Variants in SETD3 observed in about 807,000 individuals in gnomAD.
The protein encoded by SETD3 is actin-histidine N-methyltransferase.
Under a neutral mutation model 63.0 loss-of-function variants are expected in SETD3, and 19 were observed. That is an observed-to-expected ratio of 0.30 (90% CI 0.21 to 0.44). The LOEUF (loss-of-function observed/expected upper bound fraction) is 0.44, where lower values mean the gene tolerates loss of function less well. Ranked by LOEUF, SETD3 falls within the 20% of genes least tolerant of loss-of-function variation. The pLI, the probability that SETD3 is intolerant of heterozygous loss-of-function variation, is 1.00. For synonymous variants in SETD3, 286 were observed against 264.1 expected, an observed-to-expected ratio of 1.08 and a Z score of -0.80; for missense variants, 587 against 728.5, an observed-to-expected ratio of 0.81 and a Z score of 2.24.
chr14:99,459,033 T>C, intron 5 of SETD3, 80 bp downstream of exon 5: 1 of 1,022,628 alleles, frequency 9.8e-7, no homozygotes, highest in Admixed American at 2.3e-5. Flanking sequence ...AACCAAGTAT[T>C]ATCCTTAGTG....
In SETD3 at chr14:99,461,203, T is replaced by C. The variant is rs1197690912; in HGVS notation, c.334A>G (p.Arg112Gly). ...KEEGFGLRAT[R>G]DIKAEELFLW... ...TTTTATAAACTCACCTTGATATCTCTTGTTGCTCTCAAACCAAAGCCCTCT... is the reference window on the plus strand; with the variant it reads ...TTTTATAAACTCACCTTGATATCTCCTGTTGCTCTCAAACCAAAGCCCTCT... Residue 112 changes from arginine to glycine, a missense_variant, in exon 4 of 13, where the codon AGA (arginine) becomes GGA (glycine). Arg to Gly is a moderately radical substitution (Grantham distance 125, BLOSUM62 -2). Coordinates refer to ENST00000331768, the MANE Select transcript of SETD3 (RefSeq NM_032233.3). 1 of 1,613,956 alleles carries C rather than the reference T, an allele frequency of 6.2e-7. No individual in the cohort carries two copies. The highest frequency in any genetic ancestry group is 2.2e-5 in the East Asian group (1 of 44,884).
rs1370503798 is a variant in SETD3 at position 99,398,167 on chromosome 14, T to C, written c.*512A>G. On this transcript the variant is annotated 3_prime_UTR_variant, in exon 13 of 13. Transcript: ENST00000331768. The stretch of plus-strand genomic sequence containing the variant: ...CTTTTCTTTTGGTAATGGGGTGTTA[T>C]TTTTTTTAAGAGAAAAAACCAAACA... The C allele has an allele frequency of 1.4e-5, 2 of 140,842 alleles. No homozygotes were observed. The highest frequency in any genetic ancestry group is 2.9e-5 in the Non-Finnish European group (2 of 68,100). 8.7% of individuals were successfully genotyped at this position (140,842 alleles called of 1,614,324 possible). A position where few individuals can be genotyped will look rare whatever the true frequency, so the allele number is the denominator to read the frequency against.
chr14:99,432,790 T>C (rs1364097777), intron 6 of SETD3, among the ~76,000 whole-genome samples: 1 of 152,188 alleles, frequency 6.6e-6, no homozygotes, highest in Non-Finnish European at 1.5e-5. Flanking sequence ...AGCTCTTTGC[T>C]GTGGGGATGT....
chr14:99,482,937 A>G (rs1343786915), upstream of SETD3, among the ~76,000 whole-genome samples: 3 of 152,222 alleles, frequency 2.0e-5, no homozygotes, highest in East Asian at 5.8e-4. Flanking sequence ...AAAAATCTAG[A>G]GGAATTAAAT....
Position 99,470,018 on chromosome 14 carries a change from C to T in SETD3, c.-8-4205G>A, listed in dbSNP as rs534467141. Among the ~76,000 whole-genome samples the T allele has an allele frequency of 1.2e-4, 19 of 152,322 alleles. No individual in the cohort carries two copies. The South Asian group carries it at 3.1e-3, about 25-fold the overall frequency. ...TCTTTCCACAGCTCACGGGATAATG[C>T]GTAACCTCCCTAGCAAGGTCTTCGA... On this transcript the variant is annotated intron_variant, in intron 1 of 12. Coordinates refer to ENST00000331768, the MANE Select transcript of SETD3 (RefSeq NM_032233.3).
intron 6 of SETD3, among the ~76,000 whole-genome samples, chr14:99,420,980 G>GGC (rs1566694441): frequency 5.0e-5 from 2 of 40,154 alleles, no homozygotes; most frequent in South Asian, 1.0e-3. Context: ...GGGGGGGTGG[G>GGC]AGGTGCAGAC....
At chr14:99,417,243 C>T (rs1301102020) in intron 6 of SETD3, among the ~76,000 whole-genome samples, 3 of 152,138 alleles carry the variant, frequency 2.0e-5, no homozygotes, top group African/African-American at 7.2e-5. Context: ...AAAAAATGAA[C>T]AATATTCCGG....
At chr14:99,422,906 C>T (rs1239416695) in intron 6 of SETD3, among the ~76,000 whole-genome samples, 2 of 152,204 alleles carry the variant, frequency 1.3e-5, no homozygotes, top group African/African-American at 4.8e-5. Context: ...GCCCCCAAGG[C>T]GCCTGGGGAC....
rs1336813138 is a variant in SETD3 at position 99,459,170 on chromosome 14, A to G, written c.361T>C (p.Leu121=). The G allele has an allele frequency of 6.2e-7, 1 of 1,611,456 alleles. No individual in the cohort carries two copies. Among genetic ancestry groups the G allele is most frequent in the Non-Finnish European group, 8.5e-7 (1 of 1,178,778 alleles). ...ATTAGCAATTTTCGTGGAACCCATA[A>G]AAACAATTCTTCTGCCTAGGGAAAA... is the stretch of plus-strand genomic sequence containing the variant. The part of the protein sequence containing the change: ...TRDIKAEELF[L]WVPRKLLMTV... The change falls in exon 5 of 13, where the codon TTA becomes CTA. Residue 121 remains leucine, a synonymous_variant. Coordinates refer to ENST00000331768, the MANE Select transcript of SETD3 (RefSeq NM_032233.3).
chr14:99,450,976 A>C (rs1373294288), intron 6 of SETD3, among the ~76,000 whole-genome samples: 1 of 152,212 alleles, frequency 6.6e-6, no homozygotes, highest in Non-Finnish European at 1.5e-5. Flanking sequence ...GGCCCATTAC[A>C]TGGCACTGAT....
intron 6 of SETD3, among the ~76,000 whole-genome samples, chr14:99,420,980 G>GGGGGA (rs1566694441): frequency 2.5e-5 from 1 of 40,110 alleles, no homozygotes; most frequent in Non-Finnish European, 5.1e-5. Context: ...GGGGGGGTGG[G>GGGGGA]AGGTGCAGAC....
chr14:99,481,323 C>G (rs1246777859), upstream of SETD3: 2 of 397,602 alleles, frequency 5.0e-6, no homozygotes, highest in Non-Finnish European at 8.9e-6. Flanking sequence ...CTGCTTTCTT[C>G]CCATTGGTTG....
chr14:99,465,767 G>A lies in SETD3; in HGVS notation c.39C>T (p.Gly13=). Residue 13 remains glycine, a synonymous_variant, in exon 2 of 13, where the codon GGC becomes GGT. Transcript: ENST00000331768. ...GTGACACAGTTGCTGTAGCACCAGTGCCAGATTTCTGAGTTTTTACTCGAC... is the reference window on the plus strand; with the variant it reads ...GTGACACAGTTGCTGTAGCACCAGTACCAGATTTCTGAGTTTTTACTCGAC... ...KKSRVKTQKS[G]TGATATVSPK... 1.2e-6 allele frequency: 2 copies of A among 1,614,050 alleles called. No individual in the cohort carries two copies. The highest frequency in any genetic ancestry group is 1.7e-6 in the Non-Finnish European group (2 of 1,179,970).
At chr14:99,466,311 C>A (rs1250483009) in intron 1 of SETD3, among the ~76,000 whole-genome samples, 1 of 152,194 alleles carries the variant, frequency 6.6e-6, no homozygotes, top group Non-Finnish European at 1.5e-5. Flanking sequence ...AAAACTCTGG[C>A]GAGCTAGTCT....
chr14:99,428,090 A>T (rs1021327383), intron 6 of SETD3, among the ~76,000 whole-genome samples: 1 of 152,258 alleles, frequency 6.6e-6, no homozygotes, highest in African/African-American at 2.4e-5. Flanking sequence ...TGCAGTCCCA[A>T]CACATGAGGC....
chr14:99,402,004 A>T (rs1891415451), intron 11 of SETD3, among the ~76,000 whole-genome samples: 1 of 152,120 alleles, frequency 6.6e-6, no homozygotes, highest in South Asian at 2.1e-4. Flanking sequence ...TGCCCTCCTG[A>T]GCTTTCCTCC....
intron 1 of SETD3, among the ~76,000 whole-genome samples, chr14:99,470,350 T>C (rs1406857271): frequency 6.6e-6 from 1 of 152,240 alleles, no homozygotes; most frequent in Non-Finnish European, 1.5e-5. Context: ...ATTCTGTCTT[T>C]TGGCAACCTC....
chr14:99,458,664 G>A (rs983143807), intron 5 of SETD3, 129 bp from the exon 6 acceptor site: 7 of 1,178,224 alleles, frequency 5.9e-6, no homozygotes, highest in Non-Finnish European at 8.1e-6. Flanking sequence ...CAGGCTGGGC[G>A]CAGTGGCTCA....
At chr14:99,463,912 A>G (rs770821958) in intron 2 of SETD3, among the ~76,000 whole-genome samples, 3 of 152,240 alleles carry the variant, frequency 2.0e-5, no homozygotes, top group Non-Finnish European at 4.4e-5. Context: ...TAAAAAGCTA[A>G]GCTAAAATGC....
Sources: allele counts gnomAD v4.1 joint callset (sites outside exome capture counted in the v4.1 genomes callset), GRCh38; gene constraint gnomAD v4.1.1; transcripts MANE v1.5; gene names NCBI Gene and HGNC (gene_info 2026-07-23, HGNC 2026-07-21).